The following ZPLD1 variants were observed in gnomAD, a reference collection of about 807,000 sequenced individuals.
ZPLD1 encodes zona pellucida like domain containing 1, also known as zona pellucida-like domain-containing protein 1.
In ZPLD1, 34 loss-of-function variants were observed where a neutral mutation model predicts 47.2. The observed-to-expected ratio is 0.72, with a 90% CI of 0.55 to 0.96. ZPLD1 has a LOEUF of 0.96. ZPLD1 is among the 40% of genes least tolerant of loss of function. ZPLD1 has a pLI of 0.00. For synonymous variants in ZPLD1, 176 were observed against 186.2 expected, an observed-to-expected ratio of 0.95 and a Z score of 0.45; for missense variants, 512 against 505.8, an observed-to-expected ratio of 1.01 and a Z score of -0.12.
chr3:102,437,642 C>G (rs1014760374), intron 2 of ZPLD1, among the ~76,000 whole-genome samples: 1 of 152,192 alleles, frequency 6.6e-6, no homozygotes, highest in African/African-American at 2.4e-5. Flanking sequence ...TGTTTTAACT[C>G]TATCAGGCCA....
intron 7 of ZPLD1, among the ~76,000 whole-genome samples, chr3:102,409,595 C>A (rs1391692288): frequency 6.6e-6 from 1 of 151,588 alleles, no homozygotes; most frequent in African/African-American, 2.4e-5. Context: ...TATTTGTTTC[C>A]AAATCCTTCT....
chr3:102,442,846 G>A (rs768580936), intron 3 of ZPLD1, among the ~76,000 whole-genome samples: 19 of 152,080 alleles, frequency 1.2e-4, no homozygotes, highest in Non-Finnish European at 2.4e-4. Context: ...TAAATTTAAA[G>A]GAATGCCATT....
At chr3:102,409,893 A>G (rs1163686262) in intron 7 of ZPLD1, among the ~76,000 whole-genome samples, 1 of 151,832 alleles carries the variant, frequency 6.6e-6, no homozygotes, top group Non-Finnish European at 1.5e-5. Context: ...CTTGTGCCTC[A>G]GAAAGCATAG....
chr3:102,417,316 A>T (rs1350319855), intron 7 of ZPLD1, among the ~76,000 whole-genome samples: 1 of 152,058 alleles, frequency 6.6e-6, no homozygotes, highest in Admixed American at 6.6e-5. Flanking sequence ...CTAAAATAGT[A>T]GCAAAGTATT....
chr3:102,408,743 C>T (rs1448774963), intron 7 of ZPLD1, among the ~76,000 whole-genome samples: 1 of 151,740 alleles, frequency 6.6e-6, no homozygotes, highest in Admixed American at 6.6e-5. Flanking sequence ...AGTCAATGGT[C>T]CCTTATACAC....
chr3:102,477,178 A>G (rs563648501), intron 11 of ZPLD1, 137 bp downstream of exon 11: 3 of 1,037,776 alleles, frequency 2.9e-6, no homozygotes, highest in African/African-American at 3.2e-5. Flanking sequence ...AGGGTTTTCA[A>G]ACTCATATGT....
chr3:102,438,347 A>G (rs1433746810), intron 2 of ZPLD1, 133 bp from the exon 3 acceptor site: 3 of 601,846 alleles, frequency 5.0e-6, no homozygotes, highest in Non-Finnish European at 9.1e-6. Context: ...ATCCTCAGTT[A>G]TTTCGTGAGC....
intron 8 of ZPLD1, chr3:102,418,218 A>C (rs1706832547): frequency 6.6e-6 from 1 of 152,522 alleles, no homozygotes. Context: ...GTAAGTGCCC[A>C]GCACTGAAGC....
At chr3:102,391,942 A>G (rs1423490517) in intron 6 of ZPLD1, among the ~76,000 whole-genome samples, 1 of 152,158 alleles carries the variant, frequency 6.6e-6, no homozygotes, top group Non-Finnish European at 1.5e-5. Context: ...CTCATAGCTA[A>G]GAATAAGTTT....
intron 7 of ZPLD1, among the ~76,000 whole-genome samples, chr3:102,417,367 G>T (rs1295696013): frequency 1.3e-5 from 2 of 151,918 alleles, no homozygotes; most frequent in East Asian, 1.9e-4. Flanking sequence ...AAAAGTGTTC[G>T]CTGTGGTGCC....
exon 8 of ZPLD1, chr3:102,418,085 C>G (rs1358641328): frequency 6.6e-6 from 1 of 151,946 alleles, no homozygotes; most frequent in Non-Finnish European, 1.5e-5. Context: ...CAGCTCTTCT[C>G]TCATTTGAAG....
chr3:102,397,779 G>A (rs1014760913), intron 7 of ZPLD1, among the ~76,000 whole-genome samples: 9 of 151,998 alleles, frequency 5.9e-5, no homozygotes, highest in Admixed American at 2.6e-4. Context: ...TGCAATTATC[G>A]CAGTTTATTA....
rs767071660 is a variant in ZPLD1, at chr3:102,459,089, C to CAAAAAAA, written c.582+1260_582+1266dup. On this transcript the variant is annotated intron_variant, in intron 6 of 11. Transcript: ENST00000466937. ...TGGGAGACAGAGCGAGACTCCGTCT[C>CAAAAAAA]AAAAAAAAAAAAAAAAAAAAAAAAA... is the stretch of plus-strand genomic sequence containing the variant. Among the ~76,000 whole-genome samples the CAAAAAAA allele has an allele frequency of 5.8e-3, 150 of 25,852 alleles. 20 individuals are homozygous for CAAAAAAA. The highest frequency in any genetic ancestry group is 0.016 in the African/African-American group (144 of 8,974). The allele number at this position is 25,852 out of a possible 152,430, so 17.0% of individuals were successfully genotyped here.
At chr3:102,442,366 TTACAATTTTAAAATTTGTA>T (rs1707193952) in intron 3 of ZPLD1, among the ~76,000 whole-genome samples, 1 of 128,246 alleles carries the variant, frequency 7.8e-6, no homozygotes, top group Non-Finnish European at 1.7e-5. Context: ...ACACACACAG[TTACAATTTTAAAATTTGTA>T]TTTAAAAAAC....
intron 8 of ZPLD1, among the ~76,000 whole-genome samples, chr3:102,467,749 C>A (rs1217385957): frequency 6.6e-6 from 1 of 151,572 alleles, no homozygotes; most frequent in Non-Finnish European, 1.5e-5. Flanking sequence ...ACCTTTAAAA[C>A]TTTGGAGTAA....
intron 1 of ZPLD1, among the ~76,000 whole-genome samples, chr3:102,436,019 A>G (rs989787467): frequency 3.3e-5 from 5 of 152,206 alleles, no homozygotes; most frequent in African/African-American, 1.2e-4. Context: ...GCTAACATAA[A>G]AATCAATATA....
chr3:102,447,986 C>T (rs181280479), intron 3 of ZPLD1, among the ~76,000 whole-genome samples: 4 of 151,934 alleles, frequency 2.6e-5, no homozygotes, highest in South Asian at 4.2e-4. Context: ...ATTTTATACA[C>T]GGAGAGACAG....
intron 7 of ZPLD1, among the ~76,000 whole-genome samples, chr3:102,462,710 T>A (rs1707527894): frequency 6.6e-6 from 1 of 152,126 alleles, no homozygotes; most frequent in East Asian, 1.9e-4. Context: ...AACACTTGAT[T>A]TGCTTGCTTT....
At chr3:102,428,078 A>T (rs1000621108) in intron 8 of ZPLD1, among the ~76,000 whole-genome samples, 3 of 152,178 alleles carry the variant, frequency 2.0e-5, no homozygotes, top group African/African-American at 7.2e-5. Context: ...TAACAAACTC[A>T]ACTATATAGT....
Sources: gnomAD v4.1 joint callset for allele counts (sites outside exome capture counted in the v4.1 genomes callset) on GRCh38, gnomAD v4.1.1 for gene constraint, MANE v1.5 for transcripts, NCBI Gene and HGNC (gene_info 2026-07-23, HGNC 2026-07-21) for gene names.